The following SSBP2 variants were observed in gnomAD, a reference collection of about 807,000 sequenced individuals.
The protein encoded by SSBP2 is single stranded DNA binding protein 2, also known as single-stranded DNA-binding protein 2.
In SSBP2, 17 loss-of-function variants were observed where a neutral mutation model predicts 61.8. The ratio of observed to expected loss-of-function variants is 0.28; its 90% CI spans 0.19 to 0.41. The LOEUF is 0.41. SSBP2 is among the 10% of genes least tolerant of loss of function. The probability of loss-of-function intolerance (pLI) is 1.00; values close to 1 mark genes in which losing one functional copy is unlikely to be tolerated. For synonymous variants in SSBP2, 139 were observed against 141.3 expected, an observed-to-expected ratio of 0.98 and a Z score of 0.12; for missense variants, 310 against 458.7, an observed-to-expected ratio of 0.68 and a Z score of 2.96.
At chr5:81,644,956 T>C (rs904526264) in intron 2 of SSBP2, among the ~76,000 whole-genome samples, 1 of 152,198 alleles carries the variant, frequency 6.6e-6, no homozygotes, top group Non-Finnish European at 1.5e-5. Context: ...ATCAGGCACA[T>C]ATTTATGCCT....
chr5:81,747,022 T>C (rs1294434500), intron 1 of SSBP2, among the ~76,000 whole-genome samples: 1 of 87,220 alleles, frequency 1.1e-5, no homozygotes, highest in Non-Finnish European at 2.4e-5. Context: ...ACAAAATTCC[T>C]GGGGGGGGGG....
At chr5:81,505,828 C>T (rs1044351079) in intron 5 of SSBP2, among the ~76,000 whole-genome samples, 4 of 152,112 alleles carry the variant, frequency 2.6e-5, no homozygotes, top group Non-Finnish European at 5.9e-5. Flanking sequence ...GAATGACCAG[C>T]CTAAATTTCT....
At chr5:81,721,814 T>TA (rs1755558612) in intron 1 of SSBP2, among the ~76,000 whole-genome samples, 1 of 152,046 alleles carries the variant, frequency 6.6e-6, no homozygotes, top group South Asian at 2.1e-4. Flanking sequence ...AATGCCTTTG[T>TA]AAAAATGAAA....
chr5:81,571,272 T>C (rs986506503), intron 4 of SSBP2, among the ~76,000 whole-genome samples: 1 of 152,244 alleles, frequency 6.6e-6, no homozygotes, highest in African/African-American at 2.4e-5. Flanking sequence ...TGATTTTCTC[T>C]TTTAGTTTTT....
intron 11 of SSBP2, among the ~76,000 whole-genome samples, chr5:81,448,396 T>C (rs1763542590): frequency 6.6e-6 from 1 of 152,166 alleles, no homozygotes; most frequent in African/African-American, 2.4e-5. Context: ...AATTCATTTG[T>C]GATTGGGAGA....
At chr5:81,442,529 T>C (rs748771110) in intron 13 of SSBP2, 124 bp downstream of exon 13, 16 of 568,662 alleles carry the variant, frequency 2.8e-5, no homozygotes, top group Non-Finnish European at 4.3e-5. Context: ...ATTTGACTTT[T>C]TGAATATCTA....
At chr5:81,633,568 G>A (rs912643930) in intron 3 of SSBP2, among the ~76,000 whole-genome samples, 35 of 151,614 alleles carry the variant, frequency 2.3e-4, no homozygotes, top group African/African-American at 7.5e-4. Context: ...ATGAGGTATC[G>A]CTATGTTTCT....
At chr5:81,491,356 GATAA>G (rs1766841042) in intron 5 of SSBP2, among the ~76,000 whole-genome samples, 1 of 152,214 alleles carries the variant, frequency 6.6e-6, no homozygotes, top group Non-Finnish European at 1.5e-5. Flanking sequence ...CAAATGTTGA[GATAA>G]ATATTTAGAA....
intron 1 of SSBP2, among the ~76,000 whole-genome samples, chr5:81,660,708 G>C (rs10754183): frequency 7.2e-5 from 11 of 152,244 alleles, no homozygotes; most frequent in Admixed American, 1.3e-4. Context: ...ATATGCACAT[G>C]TATGTTTACT....
intron 1 of SSBP2, among the ~76,000 whole-genome samples, chr5:81,714,102 C>T (rs1755010494): frequency 6.6e-6 from 1 of 152,130 alleles, no homozygotes; most frequent in Non-Finnish European, 1.5e-5. Context: ...GTTTCCCTCC[C>T]TGCGCCCATA....
At chr5:81,569,007 C>A (rs1179900926) in intron 4 of SSBP2, among the ~76,000 whole-genome samples, 1 of 152,118 alleles carries the variant, frequency 6.6e-6, no homozygotes, top group African/African-American at 2.4e-5. Flanking sequence ...ATATCAAAGT[C>A]TTCTGAAGCC....
chr5:81,550,631 A>T (rs976432162), intron 4 of SSBP2, among the ~76,000 whole-genome samples: 4 of 152,184 alleles, frequency 2.6e-5, no homozygotes, highest in African/African-American at 9.7e-5. Flanking sequence ...GGACAATCTG[A>T]CTCTCTACAT....
chr5:81,562,364 A>G (rs113810136), intron 4 of SSBP2, among the ~76,000 whole-genome samples: 10 of 152,332 alleles, frequency 6.6e-5, no homozygotes, highest in African/African-American at 2.4e-4. Flanking sequence ...GGAATATAAA[A>G]ATTTCCCATA....
At chr5:81,704,795 C>CAA (rs34376110) in intron 1 of SSBP2, among the ~76,000 whole-genome samples, 2,580 of 52,000 alleles carry the variant, frequency 0.05, 252 homozygotes, top group East Asian at 0.18. Flanking sequence ...GATTCCATCT[C>CAA]AAAAAAAAAA....
intron 4 of SSBP2, among the ~76,000 whole-genome samples, chr5:81,555,078 G>A (rs1772490366): frequency 6.6e-6 from 1 of 151,964 alleles, no homozygotes; most frequent in Non-Finnish European, 1.5e-5. Flanking sequence ...TGTAATTTCT[G>A]ATTATTTTTG....
rs78487728 is a variant in SSBP2, at chr5:81,590,791, G to T, written c.282+24682C>A. Reference sequence around the variant, plus strand: ...CACTAAAGGAAGAGCAAAAAGCCTCGTAGCTCTAAAGGTAATATAGGTTAA... The same window carrying T: ...CACTAAAGGAAGAGCAAAAAGCCTCTTAGCTCTAAAGGTAATATAGGTTAA... On this transcript the variant is annotated intron_variant, in intron 4 of 16. Transcript: ENST00000320672. Among the ~76,000 whole-genome samples the T allele has an allele frequency of 3.6e-3, 548 of 152,252 alleles. 2 individuals are homozygous for T. Among genetic ancestry groups the T allele is most frequent in the Non-Finnish European group, 5.9e-3 (403 of 68,022 alleles).
chr5:81,705,188 G>A (rs1301972573), intron 1 of SSBP2, among the ~76,000 whole-genome samples: 1 of 152,072 alleles, frequency 6.6e-6, no homozygotes, highest in African/African-American at 2.4e-5. Context: ...GCCTATATAT[G>A]TGAACACTCT....
At chr5:81,686,269 G>T (rs1012148370) in intron 1 of SSBP2, among the ~76,000 whole-genome samples, 1 of 152,130 alleles carries the variant, frequency 6.6e-6, no homozygotes, top group Admixed American at 6.5e-5. Flanking sequence ...TACAGTGATC[G>T]CAAGTGAAGA....
At chr5:81,564,001 C>A (rs1773245270) in intron 4 of SSBP2, among the ~76,000 whole-genome samples, 1 of 152,076 alleles carries the variant, frequency 6.6e-6, no homozygotes, top group Non-Finnish European at 1.5e-5. Context: ...ATAATGGGTT[C>A]ATCCCCAAAA....
Sources: gnomAD v4.1 joint callset for allele counts (sites outside exome capture counted in the v4.1 genomes callset) on GRCh38, gnomAD v4.1.1 for gene constraint, MANE v1.5 for transcripts, NCBI Gene and HGNC (gene_info 2026-07-23, HGNC 2026-07-21) for gene names.